LGR4: variants seen among roughly 807,000 people sequenced by gnomAD.
LGR4 encodes the protein leucine-rich repeat-containing G protein-coupled receptor 4.
A neutral mutation model predicts 84.8 loss-of-function variants in LGR4; 44 were observed. The ratio of observed to expected loss-of-function variants is 0.52; its 90% CI spans 0.41 to 0.67. The LOEUF (loss-of-function observed/expected upper bound fraction) is 0.67, where lower values mean the gene tolerates loss of function less well. Ranked by LOEUF, LGR4 falls within the 30% of genes least tolerant of loss-of-function variation. LGR4 has a pLI of 0.00. For synonymous variants in LGR4, 429 were observed against 434.3 expected (o/e 0.99, Z 0.15); for missense variants, 1,032 against 1,131.4 (o/e 0.91, Z 1.26).
chr11:27,387,920 C>T (rs1163780448), intron 4 of LGR4, among the ~76,000 whole-genome samples: 4 of 152,056 alleles, frequency 2.6e-5, no homozygotes, highest in African/African-American at 9.7e-5. Flanking sequence ...GTACTGTATA[C>T]AACCGTTAAA....
At chr11:27,464,114 T>A (rs1489947817) in intron 1 of LGR4, among the ~76,000 whole-genome samples, 1 of 152,202 alleles carries the variant, frequency 6.6e-6, no homozygotes, top group Non-Finnish European at 1.5e-5. Context: ...GGCCTAAGAG[T>A]TCCTGTTAAG....
rs187022238 is a variant in LGR4, at chr11:27,460,473, C to T, written c.185+11645G>A. ...GCAATACCCAAATCCCCTGTGCTCA[C>T]GCATACACAAATGTCCTTTGGTGAA... On this transcript the variant is annotated intron_variant, in intron 1 of 17. Transcript: ENST00000379214. Among the ~76,000 whole-genome samples, 182 of 152,328 alleles carry T rather than the reference C, an allele frequency of 1.2e-3. 1 individual carries two copies. The highest frequency in any genetic ancestry group is 3.4e-3 in the Middle Eastern group (1 of 294).
intron 1 of LGR4, 141 bp from the exon 2 acceptor site, chr11:27,413,001 G>C: frequency 3.2e-6 from 2 of 624,490 alleles, no homozygotes; most frequent in Non-Finnish European, 5.7e-6. Flanking sequence ...TTTGGCTTCA[G>C]AATGCAATAT....
chr11:27,383,811 T>C (rs1431855830), intron 6 of LGR4, among the ~76,000 whole-genome samples: 1 of 152,218 alleles, frequency 6.6e-6, no homozygotes, highest in Non-Finnish European at 1.5e-5. Context: ...ACAATGCCTT[T>C]TACTTATATA....
chr11:27,373,274 TTA>T (rs1278416485), intron 15 of LGR4: 1 of 245,342 alleles, frequency 4.1e-6, no homozygotes, highest in African/African-American at 2.2e-5. Context: ...TTCTGCCATC[TTA>T]TTGCTAATGA....
chr11:27,419,116 C>T (rs1221632287), intron 1 of LGR4, among the ~76,000 whole-genome samples: 1 of 151,996 alleles, frequency 6.6e-6, no homozygotes, highest in Non-Finnish European at 1.5e-5. Flanking sequence ...GCTGTGCTGT[C>T]ATTGTTAAGA....
At chr11:27,372,134 A>C in intron 16 of LGR4, 149 bp downstream of exon 16, 1 of 631,152 alleles carries the variant, frequency 1.6e-6, no homozygotes, top group Non-Finnish European at 2.8e-6. Flanking sequence ...CTAAGTGCTG[A>C]GATTACAGGC....
chr11:27,423,934 A>G (rs1468192312), intron 1 of LGR4, among the ~76,000 whole-genome samples: 1 of 152,186 alleles, frequency 6.6e-6, no homozygotes, highest in African/African-American at 2.4e-5. Context: ...AAAAACAGAG[A>G]AAAAGCATAC....
intron 5 of LGR4, 125 bp from the exon 6 acceptor site, chr11:27,384,532 C>T (rs1863152561): frequency 1.4e-6 from 1 of 697,550 alleles, no homozygotes; most frequent in Non-Finnish European, 2.5e-6. Context: ...AGCTAAACAG[C>T]TAAACAGTTT....
At chr11:27,466,569 G>A (rs1321014645) in intron 1 of LGR4, among the ~76,000 whole-genome samples, 2 of 152,182 alleles carry the variant, frequency 1.3e-5, no homozygotes, top group African/African-American at 2.4e-5. Flanking sequence ...AAACTTGCCT[G>A]GATCTACCTA....
chr11:27,466,768 A>G (rs1590416740), intron 1 of LGR4, among the ~76,000 whole-genome samples: 1 of 152,108 alleles, frequency 6.6e-6, no homozygotes, highest in Non-Finnish European at 1.5e-5. Context: ...AAGTGAGAGA[A>G]TTACTGGTTC....
chr11:27,470,538 C>T (rs1258286902), intron 1 of LGR4, among the ~76,000 whole-genome samples: 1 of 152,124 alleles, frequency 6.6e-6, no homozygotes, highest in African/African-American at 2.4e-5. Flanking sequence ...ATTCCCTAAA[C>T]GTTTCTAGAG....
At chr11:27,459,983 C>A (rs1252546753) in intron 1 of LGR4, among the ~76,000 whole-genome samples, 1 of 152,014 alleles carries the variant, frequency 6.6e-6, no homozygotes, top group East Asian at 1.9e-4. Flanking sequence ...CCCAGCTACT[C>A]GGGAGGCTGA....
chr11:27,377,346 A>G, intron 11 of LGR4, 123 bp from the exon 12 acceptor site: 1 of 498,560 alleles, frequency 2.0e-6, no homozygotes, highest in Non-Finnish European at 3.6e-6. Flanking sequence ...CCTGAATAAG[A>G]AAAACAAGTC....
chr11:27,466,651 G>A (rs992671295), intron 1 of LGR4, among the ~76,000 whole-genome samples: 23 of 152,220 alleles, frequency 1.5e-4, no homozygotes, highest in African/African-American at 5.5e-4. Flanking sequence ...AATGTTAAGA[G>A]CCAAGGGCCT....
chr11:27,466,008 C>T (rs1864771090), intron 1 of LGR4, among the ~76,000 whole-genome samples: 1 of 152,176 alleles, frequency 6.6e-6, no homozygotes. Context: ...GGAAAACAAG[C>T]TTTAACATTG....
At chr11:27,398,056 A>G (rs953004586) in intron 2 of LGR4, among the ~76,000 whole-genome samples, 3 of 152,214 alleles carry the variant, frequency 2.0e-5, no homozygotes, top group African/African-American at 4.8e-5. Context: ...TGCATTTATT[A>G]TTCATAAAGA....
intron 1 of LGR4, among the ~76,000 whole-genome samples, chr11:27,419,896 G>A (rs892851637): frequency 6.6e-6 from 1 of 151,972 alleles, no homozygotes; most frequent in African/African-American, 2.4e-5. Flanking sequence ...TATAGACACA[G>A]AAAATTGATC....
intron 1 of LGR4, among the ~76,000 whole-genome samples, chr11:27,435,137 C>T (rs1864186109): frequency 6.6e-6 from 1 of 152,002 alleles, no homozygotes; most frequent in African/African-American, 2.4e-5. Flanking sequence ...GCGTTCGAGA[C>T]CAGCCTGGCC....
Sources: gnomAD v4.1 joint callset for allele counts (sites outside exome capture counted in the v4.1 genomes callset) on GRCh38, gnomAD v4.1.1 for gene constraint, MANE v1.5 for transcripts, NCBI Gene and HGNC (gene_info 2026-07-23, HGNC 2026-07-21) for gene names.